Variants in SEPSECS observed in about 807,000 individuals in gnomAD.
SEPSECS encodes the protein Sep (O-phosphoserine) tRNA:Sec (selenocysteine) tRNA synthase.
Under a neutral mutation model 52.1 loss-of-function variants are expected in SEPSECS, and 42 were observed. The ratio of observed to expected loss-of-function variants is 0.81; its 90% confidence interval spans 0.63 to 1.04. The LOEUF (loss-of-function observed/expected upper bound fraction) is 1.04. SEPSECS is among the 50% of genes least tolerant of loss of function. The pLI, the probability that SEPSECS is intolerant of heterozygous loss-of-function variation, is 0.00. For synonymous variants in SEPSECS, 216 were observed against 211.4 expected (o/e 1.02, Z -0.19); for missense variants, 590 against 610.6 (o/e 0.97, Z 0.36).
rs951021974 is a variant in SEPSECS at position 25,120,952 on chromosome 4, A to G, written c.*2979T>C. 2 of 152,160 alleles carry G rather than the reference A, an allele frequency of 1.3e-5. No individual in the cohort carries two copies. Among genetic ancestry groups the G allele is most frequent in the African/African-American group, 2.4e-5 (1 of 41,470 alleles). The allele number at this position is 152,160 out of a possible 1,614,324, so 9.4% of individuals were successfully genotyped here. On this transcript the variant is annotated 3_prime_UTR_variant, in exon 11 of 11. Transcript: ENST00000382103. Reference sequence around the variant, plus strand: ...AGCACATTCTGTAGCCCAGTCCTCAATAACAGTTCTTATTATGAGGTGGTT... The same window carrying G: ...AGCACATTCTGTAGCCCAGTCCTCAGTAACAGTTCTTATTATGAGGTGGTT...
chr4:25,147,020 C>A (rs752634903), intron 6 of SEPSECS, among the ~76,000 whole-genome samples: 1 of 152,218 alleles, frequency 6.6e-6, no homozygotes, highest in African/African-American at 2.4e-5. Flanking sequence ...GCTCTACAAC[C>A]ACTGTTCACC....
intron 10 of SEPSECS, among the ~76,000 whole-genome samples, chr4:25,124,916 G>A (rs1367684834): frequency 6.6e-6 from 1 of 151,618 alleles, no homozygotes; most frequent in Admixed American, 6.6e-5. Flanking sequence ...TTTTTTCAAA[G>A]AAGTCAATTA....
At chr4:25,137,920 A>T (rs1332969792) in intron 8 of SEPSECS, among the ~76,000 whole-genome samples, 1 of 152,170 alleles carries the variant, frequency 6.6e-6, no homozygotes, top group Non-Finnish European at 1.5e-5. Context: ...TTGCACGGAC[A>T]TGGATGGAGC....
chr4:25,142,903 A>G (rs1213511670), intron 8 of SEPSECS, among the ~76,000 whole-genome samples: 1 of 152,224 alleles, frequency 6.6e-6, no homozygotes, highest in Non-Finnish European at 1.5e-5. Flanking sequence ...AAGTGGCCTG[A>G]GATATCAATT....
intron 5 of SEPSECS, among the ~76,000 whole-genome samples, chr4:25,152,964 G>A (rs1442311098): frequency 1.3e-5 from 2 of 151,846 alleles, no homozygotes; most frequent in African/African-American, 2.4e-5. Flanking sequence ...TTGAATTACC[G>A]ATTTACGCAT....
intron 8 of SEPSECS, among the ~76,000 whole-genome samples, chr4:25,128,998 AT>A (rs1461618766): frequency 6.6e-6 from 1 of 152,196 alleles, no homozygotes; most frequent in Non-Finnish European, 1.5e-5. Context: ...GACCACAAAC[AT>A]TTTCACTTCT....
At chr4:25,158,314 A>G (rs1285701325) in intron 2 of SEPSECS, among the ~76,000 whole-genome samples, 1 of 152,244 alleles carries the variant, frequency 6.6e-6, no homozygotes, top group Non-Finnish European at 1.5e-5. Flanking sequence ...CATGGAAGAC[A>G]GGAGTTTCAT....
intron 8 of SEPSECS, among the ~76,000 whole-genome samples, chr4:25,129,052 T>C (rs886717018): frequency 4.6e-5 from 7 of 152,226 alleles, no homozygotes; most frequent in African/African-American, 1.7e-4. Flanking sequence ...CTAAAAATTT[T>C]TGAATAATCA....
intron 5 of SEPSECS, among the ~76,000 whole-genome samples, chr4:25,154,109 A>G (rs1281220484): frequency 1.3e-5 from 2 of 152,140 alleles, no homozygotes; most frequent in Non-Finnish European, 2.9e-5. Flanking sequence ...ATAAACCACA[A>G]AGCATATGAA....
intron 8 of SEPSECS, among the ~76,000 whole-genome samples, chr4:25,141,749 G>A (rs1265075905): frequency 6.6e-6 from 1 of 152,188 alleles, no homozygotes; most frequent in African/African-American, 2.4e-5. Context: ...TATGAGGCAC[G>A]GACCTTACTG....
rs770596834 is a variant in SEPSECS, at chr4:25,144,991, CTTAT to C, written c.934+9_934+12del. ...GTTAGCTACTTTTTCTGAAAAGCAA[CTTAT>C]TTATTTACCTGGATACATCTTGCTG... On this transcript the variant is annotated intron_variant, in intron 7 of 10. Coordinates refer to ENST00000382103, the MANE Select transcript of SEPSECS (RefSeq NM_016955.4). 4.3e-6 allele frequency: 7 copies of C among 1,613,754 alleles called. No individual in the cohort carries two copies. The Admixed American group carries it at 1.2e-4, about 27-fold the overall frequency.
rs1728624117 is a variant in SEPSECS at position 25,131,940 on chromosome 4, T to C, written c.1027-4583A>G. 5.3e-5 allele frequency among the ~76,000 whole-genome samples: 8 copies of C among 152,360 alleles called. No individual in the cohort carries two copies. The South Asian group carries it at 1.7e-3, about 32-fold the overall frequency. Reference sequence around the variant, plus strand: ...AGGATAAACTTCTAAGACCATAGACTTTCTTTCTGCATAGACAAACTAAAA... The same window carrying C: ...AGGATAAACTTCTAAGACCATAGACCTTCTTTCTGCATAGACAAACTAAAA... On this transcript the variant is annotated intron_variant, in intron 8 of 10. Transcript: ENST00000382103.
intron 5 of SEPSECS, 136 bp downstream of exon 5, chr4:25,154,862 C>T: frequency 1.1e-6 from 1 of 942,370 alleles, no homozygotes; most frequent in South Asian, 1.5e-5. Flanking sequence ...TATTTCTCCA[C>T]AAGGTCAATC....
At chr4:25,140,003 T>C (rs1391511895) in intron 8 of SEPSECS, among the ~76,000 whole-genome samples, 3 of 152,216 alleles carry the variant, frequency 2.0e-5, no homozygotes, top group Admixed American at 6.5e-5. Flanking sequence ...TTATAGTCCC[T>C]AGTGTTGAGA....
intron 5 of SEPSECS, among the ~76,000 whole-genome samples, chr4:25,153,400 T>C (rs79592211): frequency 6.6e-6 from 1 of 151,522 alleles, no homozygotes; most frequent in Non-Finnish European, 1.5e-5. Flanking sequence ...TTTTAAATAA[T>C]CTGAATTACC....
In SEPSECS at chr4:25,159,109, T is replaced by TC; in HGVS notation, c.115-3_115-2insG. The TC allele has an allele frequency of 6.6e-7, 1 of 1,525,652 alleles. No homozygotes were observed. The highest frequency in any genetic ancestry group is 8.8e-7 in the Non-Finnish European group (1 of 1,142,074). 94.5% of individuals were successfully genotyped at this position (1,525,652 alleles called of 1,614,324 possible). ...CCAGCCATTCTCTGGACACTTGCCC[T>TC]TAAAAAAAAAAAAAAACTTATGATT... On this transcript the variant is annotated splice_region_variant and splice_polypyrimidine_tract_variant and intron_variant, in intron 1 of 10. Coordinates refer to ENST00000382103, the MANE Select transcript of SEPSECS (RefSeq NM_016955.4).
chr4:25,132,793 A>C lies in SEPSECS; in HGVS notation c.1027-5436T>G, dbSNP rs141916417. ...CACAAGATCATCATCTTTATGGCTC[A>C]AATGCCTAGCACAGGGCCAGTGATC... On this transcript the variant is annotated intron_variant, in intron 8 of 10. Transcript: ENST00000382103. 2.6e-5 allele frequency among the ~76,000 whole-genome samples: 4 copies of C among 152,324 alleles called. No individual in the cohort carries two copies. In the East Asian group the frequency reaches 7.7e-4, roughly 29 times the overall value.
intron 8 of SEPSECS, among the ~76,000 whole-genome samples, chr4:25,142,523 T>C (rs1043896925): frequency 1.3e-5 from 2 of 152,256 alleles, no homozygotes; most frequent in East Asian, 1.9e-4. Flanking sequence ...TATATCTATA[T>C]ATATCTATAT....
At chr4:25,138,683 C>T (rs1217649227) in intron 8 of SEPSECS, among the ~76,000 whole-genome samples, 1 of 152,050 alleles carries the variant, frequency 6.6e-6, no homozygotes, top group African/African-American at 2.4e-5. Flanking sequence ...TATTATCTAC[C>T]TATGTATAAG....
Sources: allele counts gnomAD v4.1 joint callset (sites outside exome capture counted in the v4.1 genomes callset), GRCh38; gene constraint gnomAD v4.1.1; transcripts MANE v1.5; gene names NCBI Gene and HGNC (gene_info 2026-07-23, HGNC 2026-07-21).